The following LRP1B variants were observed in gnomAD, a reference collection of about 807,000 sequenced individuals.
The protein encoded by LRP1B is LDL receptor related protein 1B, also known as low-density lipoprotein receptor-related protein 1B.
LRP1B carries 217 observed loss-of-function variants against 556.6 expected under a neutral mutation model. The observed-to-expected ratio is 0.39, with a 90% CI of 0.35 to 0.44. LRP1B has a LOEUF of 0.44. LRP1B is among the 20% of genes least tolerant of loss of function. LRP1B has a pLI of 1.00. For missense variants in LRP1B, 5,053 were observed against 5,620.8 expected (o/e 0.90, Z 3.23); for synonymous variants, 2,047 against 1,865.8 (o/e 1.10, Z -2.50).
intron 1 of LRP1B, among the ~76,000 whole-genome samples, chr2:142,013,779 T>C (rs1703031272): frequency 6.6e-6 from 1 of 152,286 alleles, no homozygotes; most frequent in East Asian, 1.9e-4. Flanking sequence ...TGATTAGAGA[T>C]GTCAGAGGCA....
At chr2:140,246,957 C>T in intron 87 of LRP1B, 129 bp downstream of exon 87, 1 of 616,000 alleles carries the variant, frequency 1.6e-6, no homozygotes. Context: ...TCAAAAACAC[C>T]TCAATTGCAG....
intron 4 of LRP1B, among the ~76,000 whole-genome samples, chr2:141,248,791 G>A (rs1684159945): frequency 6.6e-6 from 1 of 152,120 alleles, no homozygotes; most frequent in Admixed American, 6.6e-5. Context: ...TGAAATAAAG[G>A]CTTTGGTAAA....
intron 35 of LRP1B, among the ~76,000 whole-genome samples, chr2:140,743,237 T>C (rs532408509): frequency 6.6e-6 from 1 of 152,314 alleles, no homozygotes; most frequent in Admixed American, 6.5e-5. Flanking sequence ...CTAAACTACT[T>C]AGAAAATAAC....
At chr2:141,901,373 G>T (rs1188844868) in intron 1 of LRP1B, among the ~76,000 whole-genome samples, 1 of 151,986 alleles carries the variant, frequency 6.6e-6, no homozygotes, top group African/African-American at 2.4e-5. Flanking sequence ...GAATTTTACA[G>T]TTTGCTGCAA....
intron 32 of LRP1B, among the ~76,000 whole-genome samples, chr2:140,805,814 T>C (rs551663281): frequency 6.6e-6 from 1 of 152,148 alleles, no homozygotes; most frequent in Non-Finnish European, 1.5e-5. Flanking sequence ...AAGAGATATA[T>C]ATAATGGATA....
chr2:142,072,505 G>A (rs183350746), intron 1 of LRP1B, among the ~76,000 whole-genome samples: 10 of 151,966 alleles, frequency 6.6e-5, no homozygotes, highest in Admixed American at 4.6e-4. Flanking sequence ...TCCAACCCCC[G>A]GCCCACAGGG....
At chr2:140,342,723 C>A (rs950431398) in intron 77 of LRP1B, among the ~76,000 whole-genome samples, 19 of 151,498 alleles carry the variant, frequency 1.3e-4, no homozygotes, top group African/African-American at 4.3e-4. Context: ...TACTCAATCA[C>A]CAGAGAAATG....
chr2:141,165,020 C>T (rs531867952), intron 7 of LRP1B, among the ~76,000 whole-genome samples: 2 of 152,088 alleles, frequency 1.3e-5, no homozygotes, highest in South Asian at 4.1e-4. Context: ...AAGAATCCAG[C>T]TTCTCAATAA....
chr2:140,959,568 TAATA>T (rs1485211183), intron 18 of LRP1B, among the ~76,000 whole-genome samples: 1 of 151,580 alleles, frequency 6.6e-6, no homozygotes, highest in Non-Finnish European at 1.5e-5. Context: ...ATTAAGAAAA[TAATA>T]AATTTGATAA....
intron 75 of LRP1B, among the ~76,000 whole-genome samples, chr2:140,355,021 T>G (rs953467330): frequency 2.0e-5 from 3 of 151,994 alleles, no homozygotes; most frequent in African/African-American, 7.2e-5. Context: ...AAACTTTATT[T>G]ATTAAAAATA....
At chr2:140,931,098 C>T (rs1399319012) in intron 20 of LRP1B, among the ~76,000 whole-genome samples, 1 of 152,078 alleles carries the variant, frequency 6.6e-6, no homozygotes, top group Non-Finnish European at 1.5e-5. Context: ...GATTGTCCTG[C>T]TCTTTTCTAT....
chr2:141,803,408 G>T (rs1372059098), intron 2 of LRP1B, among the ~76,000 whole-genome samples: 3 of 151,688 alleles, frequency 2.0e-5, no homozygotes, highest in Non-Finnish European at 2.9e-5. Context: ...ACTCTTAAGT[G>T]GGAGTCTTTT....
intron 2 of LRP1B, among the ~76,000 whole-genome samples, chr2:141,599,288 G>A (rs951120580): frequency 1.3e-5 from 2 of 151,732 alleles, no homozygotes; most frequent in East Asian, 1.9e-4. Flanking sequence ...TCTCCATTTG[G>A]CTTTTTTAAT....
chr2:140,929,135 G>A (rs1224185381), intron 20 of LRP1B, among the ~76,000 whole-genome samples: 2 of 152,048 alleles, frequency 1.3e-5, no homozygotes, highest in African/African-American at 4.8e-5. Flanking sequence ...CAGATAAATG[G>A]GTTTCAGTGG....
chr2:141,510,877 A>AC (rs1684102692), intron 2 of LRP1B, among the ~76,000 whole-genome samples: 2 of 141,258 alleles, frequency 1.4e-5, no homozygotes, highest in African/African-American at 2.7e-5. Flanking sequence ...TCCTTGTCTA[A>AC]ACACACACAC....
At chr2:140,329,635 C>T (rs561029491) in intron 79 of LRP1B, among the ~76,000 whole-genome samples, 1 of 151,898 alleles carries the variant, frequency 6.6e-6, no homozygotes, top group Non-Finnish European at 1.5e-5. Context: ...TAAATGAACT[C>T]CCATTCACAG....
intron 2 of LRP1B, among the ~76,000 whole-genome samples, chr2:141,610,031 C>T (rs1193640380): frequency 6.6e-6 from 1 of 152,182 alleles, no homozygotes; most frequent in South Asian, 2.1e-4. Flanking sequence ...CGAATTCTAT[C>T]ATGTAGCTGA....
intron 11 of LRP1B, among the ~76,000 whole-genome samples, chr2:141,030,675 C>T (rs1480976204): frequency 6.6e-6 from 1 of 151,910 alleles, no homozygotes; most frequent in African/African-American, 2.4e-5. Context: ...GTTATCAGAC[C>T]ATCACCACAC....
chr2:140,995,197 C>T (rs1043039390), intron 15 of LRP1B, among the ~76,000 whole-genome samples: 10 of 152,028 alleles, frequency 6.6e-5, no homozygotes, highest in Non-Finnish European at 1.5e-4. Flanking sequence ...TTTGTGAGCT[C>T]CCCAAAACTT....
Sources: gnomAD v4.1 joint callset for allele counts (sites outside exome capture counted in the v4.1 genomes callset) on GRCh38, gnomAD v4.1.1 for gene constraint, MANE v1.5 for transcripts, NCBI Gene and HGNC (gene_info 2026-07-23, HGNC 2026-07-21) for gene names.